FRMD3: variants seen among roughly 807,000 people sequenced by gnomAD.
FRMD3 encodes the protein FERM domain containing 3, also known as FERM domain-containing protein 3.
Under a neutral mutation model 70.2 loss-of-function variants are expected in FRMD3, and 33 were observed. That is an observed-to-expected ratio of 0.47 (90% CI 0.36 to 0.63). The LOEUF is 0.63. Among genes scored for constraint, FRMD3 ranks in the 20% least tolerant of loss-of-function variants. The pLI is 0.00. For synonymous variants in FRMD3, 279 were observed against 255.9 expected (o/e 1.09, Z -0.86); for missense variants, 632 against 711.4 (o/e 0.89, Z 1.27).
intron 12 of FRMD3, 29 bp downstream of exon 12, chr9:83,298,719 C>G (rs776168785): frequency 6.2e-7 from 1 of 1,601,760 alleles, no homozygotes; most frequent in African/African-American, 1.3e-5. Context: ...TTTAAAGCCA[C>G]CTGGAACCCA....
At chr9:83,553,580 G>T in the FRMD3 span, among the ~76,000 whole-genome samples, 656 of 151,926 alleles carry the variant, frequency 4.3e-3, 5 homozygotes, top group African/African-American at 0.015. Context: ...CCCTTTATTT[G>T]TGTCTGATTG....
At chr9:83,398,068 A>G (rs1458729542) in intron 1 of FRMD3, among the ~76,000 whole-genome samples, 1 of 152,216 alleles carries the variant, frequency 6.6e-6, no homozygotes, top group African/African-American at 2.4e-5. Flanking sequence ...TTAATATAAG[A>G]AAGATTGTAG....
At chr9:83,301,322 A>G (rs1192098596) in intron 10 of FRMD3, among the ~76,000 whole-genome samples, 1 of 152,112 alleles carries the variant, frequency 6.6e-6, no homozygotes, top group Non-Finnish European at 1.5e-5. Context: ...AGCCCTACAG[A>G]GCTGTGGCCT....
chr9:83,453,928 G>C (rs1827742324), intron 1 of FRMD3, among the ~76,000 whole-genome samples: 1 of 151,916 alleles, frequency 6.6e-6, no homozygotes, highest in African/African-American at 2.4e-5. Flanking sequence ...TGTTAGCCAG[G>C]ATGGTCTCGA....
At chr9:83,360,581 T>C (rs1026528186) in intron 3 of FRMD3, among the ~76,000 whole-genome samples, 5 of 152,102 alleles carry the variant, frequency 3.3e-5, no homozygotes, top group African/African-American at 1.2e-4. Flanking sequence ...CCCCTGAAAG[T>C]ACTGCCCCAG....
At chr9:83,271,589 A>G (rs1833552851) in intron 13 of FRMD3, among the ~76,000 whole-genome samples, 1 of 152,234 alleles carries the variant, frequency 6.6e-6, no homozygotes, top group Admixed American at 6.5e-5. Context: ...AGACAACAGT[A>G]TCTGTTCTAT....
intron 1 of FRMD3, among the ~76,000 whole-genome samples, chr9:83,447,304 T>G (rs1564082019): frequency 6.6e-6 from 1 of 152,176 alleles, no homozygotes; most frequent in Non-Finnish European, 1.5e-5. Flanking sequence ...ATTACAGGCG[T>G]GAGCCACCGC....
In FRMD3 at chr9:83,335,496, A is replaced by G; in HGVS notation, c.596+20T>C. 3 of 1,598,392 alleles carry G rather than the reference A, an allele frequency of 1.9e-6. No individual in the cohort carries two copies. Among genetic ancestry groups the G allele is most frequent in the Non-Finnish European group, 2.6e-6 (3 of 1,168,382 alleles). On this transcript the variant is annotated intron_variant, in intron 6 of 13. Coordinates refer to ENST00000304195, the MANE Select transcript of FRMD3 (RefSeq NM_174938.6). Reference sequence around the variant, plus strand: ...TTTTCTCCCCTTTATCATTTTCACAAATGTCTACTCAGTAATTACCTGAGT... The same window carrying G: ...TTTTCTCCCCTTTATCATTTTCACAGATGTCTACTCAGTAATTACCTGAGT...
intron 3 of FRMD3, among the ~76,000 whole-genome samples, chr9:83,366,647 CAAAG>C (rs771884042): frequency 6.6e-6 from 1 of 152,120 alleles, no homozygotes; most frequent in Non-Finnish European, 1.5e-5. Flanking sequence ...GCTTTGCTCT[CAAAG>C]AAAGAAGAAA....
At chr9:83,520,435 T>C (rs768389186) in intron 1 of FRMD3, among the ~76,000 whole-genome samples, 2 of 152,234 alleles carry the variant, frequency 1.3e-5, no homozygotes, top group Admixed American at 6.5e-5. Flanking sequence ...ATTGCTCCCA[T>C]CTTTACTCAA....
the FRMD3 span, among the ~76,000 whole-genome samples, chr9:83,545,507 A>G: frequency 6.6e-6 from 1 of 151,246 alleles, no homozygotes; most frequent in Admixed American, 6.6e-5. Flanking sequence ...ACAAGCGCCC[A>G]CCACCACACC....
chr9:83,381,851 CACA>C (rs1179321723), intron 2 of FRMD3, among the ~76,000 whole-genome samples: 1 of 152,058 alleles, frequency 6.6e-6, no homozygotes, highest in African/African-American at 2.4e-5. Flanking sequence ...GGATCTCTTT[CACA>C]ACTACTCAAC....
chr9:83,468,429 T>G (rs906120315), intron 1 of FRMD3, among the ~76,000 whole-genome samples: 1 of 152,130 alleles, frequency 6.6e-6, no homozygotes, highest in Non-Finnish European at 1.5e-5. Flanking sequence ...GTGGGCAGAT[T>G]TCAGAAGCAA....
In FRMD3 at chr9:83,335,631, C is replaced by A; in HGVS notation, c.481G>T (p.Gly161Cys). Reference protein sequence around the residue: ...LGACIVQAELGDYDPDEHPEN... With the variant: ...LGACIVQAELCDYDPDEHPEN... ...GGATGCTCATCAGGATCGTAATCACCAAGCTCAGCTGTAATGAGTGAAAAA... is the reference window on the plus strand; with the variant it reads ...GGATGCTCATCAGGATCGTAATCACAAAGCTCAGCTGTAATGAGTGAAAAA... The change falls in exon 6 of 14, where the codon GGT becomes TGT. Residue 161 changes from glycine (G) to cysteine (C), a missense_variant. Transcript: ENST00000304195. The A allele has an allele frequency of 6.2e-7, 1 of 1,612,888 alleles. No homozygotes were observed. Among genetic ancestry groups the A allele is most frequent in the Non-Finnish European group, 8.5e-7 (1 of 1,179,288 alleles).
At chr9:83,343,606 G>A (rs1210061704) in intron 4 of FRMD3, among the ~76,000 whole-genome samples, 8 of 152,248 alleles carry the variant, frequency 5.3e-5, no homozygotes, top group Middle Eastern at 3.4e-3. Flanking sequence ...GCTCCCGCAC[G>A]AGGACAGCCA....
intron 1 of FRMD3, among the ~76,000 whole-genome samples, chr9:83,469,995 T>G (rs960306024): frequency 6.6e-6 from 1 of 152,236 alleles, no homozygotes; most frequent in African/African-American, 2.4e-5. Flanking sequence ...GCATTTGTAC[T>G]TTTTAAAGTA....
intron 6 of FRMD3, among the ~76,000 whole-genome samples, chr9:83,323,881 C>A (rs921338638): frequency 1.3e-5 from 2 of 152,178 alleles, no homozygotes; most frequent in African/African-American, 4.8e-5. Context: ...GTAGAGCAAC[C>A]TAACTGCCAT....
chr9:83,422,405 T>C (rs1826672793), intron 1 of FRMD3, among the ~76,000 whole-genome samples: 1 of 152,182 alleles, frequency 6.6e-6, no homozygotes, highest in Non-Finnish European at 1.5e-5. Context: ...TATGTCTAAG[T>C]GTGGATGCCT....
chr9:83,572,299 C>A, the FRMD3 span, among the ~76,000 whole-genome samples: 1 of 152,022 alleles, frequency 6.6e-6, no homozygotes, highest in Non-Finnish European at 1.5e-5. Flanking sequence ...TAGGGAATTG[C>A]TGGAGGAAAA....
Sources: gnomAD v4.1 joint callset for allele counts (sites outside exome capture counted in the v4.1 genomes callset) on GRCh38, gnomAD v4.1.1 for gene constraint, MANE v1.5 for transcripts, NCBI Gene and HGNC (gene_info 2026-07-23, HGNC 2026-07-21) for gene names.